The following ACSL4 variants were observed in gnomAD, a reference collection of about 807,000 sequenced individuals.
ACSL4 encodes long-chain-fatty-acid--CoA ligase 4.
Under a neutral mutation model 49.1 loss-of-function variants are expected in ACSL4, and 9 were observed. The ratio of observed to expected loss-of-function variants is 0.18; its 90% CI spans 0.11 to 0.32. ACSL4 has a LOEUF of 0.32. Ranked by LOEUF, ACSL4 falls within the 10% of genes least tolerant of loss-of-function variation. The probability of loss-of-function intolerance (pLI) is 1.00; values close to 1 mark genes in which losing one functional copy is unlikely to be tolerated. For synonymous variants in ACSL4, 191 were observed against 170.3 expected (o/e 1.12, Z -0.95); for missense variants, 333 against 493.7 (o/e 0.67, Z 3.08).
At chrX:109,708,548 T>C (rs1207750163) in intron 1 of ACSL4, among the ~76,000 whole-genome samples, 1 of 112,205 alleles carries the variant, frequency 8.9e-6, no homozygotes, top group Non-Finnish European at 1.9e-5. Context: ...CTTCTTTTGC[T>C]CATGTAATAT....
In ACSL4 at chrX:109,663,195, A is replaced by C; in HGVS notation, c.1582+16T>G. The C allele has an allele frequency of 8.4e-7, 1 of 1,187,988 alleles. No individual in the cohort carries two copies. On this transcript the variant is annotated intron_variant, in intron 13 of 15. Transcript: ENST00000672401. ...TATAAAAACTAAAGAAAACCATAAA[A>C]AGAAAACATTCTGACCTATAATCTG...
intron 15 of ACSL4, among the ~76,000 whole-genome samples, chrX:109,645,171 C>G (rs1934611966): frequency 8.8e-6 from 1 of 113,267 alleles, no homozygotes; most frequent in South Asian, 3.6e-4. Flanking sequence ...GAGCCCACCA[C>G]AGCTCAAGGA....
intron 15 of ACSL4, among the ~76,000 whole-genome samples, chrX:109,650,490 A>G (rs1431788127): frequency 1.1e-5 from 1 of 94,173 alleles, no homozygotes; most frequent in East Asian, 3.6e-4. Context: ...GAACACGTGG[A>G]CACAGGAAGG....
intron 15 of ACSL4, among the ~76,000 whole-genome samples, chrX:109,656,575 T>A (rs893193698): frequency 9.1e-6 from 1 of 110,252 alleles, no homozygotes; most frequent in Admixed American, 9.7e-5. Flanking sequence ...ACCATTTTCT[T>A]TAGAAAAATG....
At chrX:109,647,364 G>C (rs765128020) in intron 15 of ACSL4, among the ~76,000 whole-genome samples, 5 of 111,907 alleles carry the variant, frequency 4.5e-5, no homozygotes, top group Non-Finnish European at 9.4e-5. Flanking sequence ...TCAGGATTAA[G>C]AATCTCACTC....
At chrX:109,680,515 T>C (rs1342033089) in intron 6 of ACSL4, among the ~76,000 whole-genome samples, 1 of 112,592 alleles carries the variant, frequency 8.9e-6, no homozygotes, top group African/African-American at 3.2e-5. Flanking sequence ...TGCTACAAGG[T>C]ACACTTACTT....
In ACSL4 at chrX:109,721,719, A is replaced by G. The variant is rs770501323; in HGVS notation, c.-66+11420T>C. On this transcript the variant is annotated intron_variant, in intron 1 of 15. Transcript: ENST00000672401. ...TGCACTCCAGCCTGGGTGACAGAGT[A>G]AGACTCCGTCAAAAAAAAAAACAAA... 3.0e-3 allele frequency among the ~76,000 whole-genome samples: 324 copies of G among 109,005 alleles called. 4 individuals carry two copies. The highest frequency in any genetic ancestry group is 0.01 in the African/African-American group (310 of 29,946). The allele number at this position is 109,005 out of a possible 115,157, so 94.7% of individuals were successfully genotyped here.
intron 15 of ACSL4, among the ~76,000 whole-genome samples, chrX:109,649,846 C>G (rs1248276003): frequency 1.9e-5 from 2 of 107,126 alleles, no homozygotes; most frequent in Non-Finnish European, 3.9e-5. Flanking sequence ...AACAAACAAC[C>G]CCATCAAAAA....
intron 1 of ACSL4, among the ~76,000 whole-genome samples, chrX:109,719,653 T>G (rs1246719842): frequency 8.9e-6 from 1 of 112,389 alleles, no homozygotes; most frequent in African/African-American, 3.2e-5. Flanking sequence ...GGATACCACC[T>G]ATAATGAAGT....
rs192873706 is a variant in ACSL4 at position 109,650,953 on chromosome X, C to T, written c.1856-6767G>A. Among the ~76,000 whole-genome samples the T allele has an allele frequency of 9.4e-3, 1,053 of 111,500 alleles. 11 individuals carry two copies. The highest frequency in any genetic ancestry group is 0.032 in the African/African-American group (998 of 30,738). On this transcript the variant is annotated intron_variant, in intron 15 of 15. Transcript: ENST00000672401. Reference sequence around the variant, plus strand: ...TTCTTTATAAACTTTACTATATATTCAAATGCAGATAAAAAAGGGGATTGT... The same window carrying T: ...TTCTTTATAAACTTTACTATATATTTAAATGCAGATAAAAAAGGGGATTGT...
intron 15 of ACSL4, among the ~76,000 whole-genome samples, chrX:109,650,288 C>G (rs1168165012): frequency 2.2e-4 from 24 of 110,284 alleles, no homozygotes; most frequent in African/African-American, 7.9e-4. Flanking sequence ...AAATGTCCAA[C>G]AATGATAGAC....
chrX:109,666,653 G>A (rs1455944739), intron 11 of ACSL4, among the ~76,000 whole-genome samples: 2 of 111,625 alleles, frequency 1.8e-5, no homozygotes, highest in East Asian at 5.6e-4. Flanking sequence ...AGTGGCTCCC[G>A]CCTGTAATCC....
At chrX:109,656,013 C>T (rs1921614541) in intron 15 of ACSL4, among the ~76,000 whole-genome samples, 1 of 111,009 alleles carries the variant, frequency 9.0e-6, no homozygotes, top group Non-Finnish European at 1.9e-5. Context: ...AGGATGTGCT[C>T]TACCCAAACC....
Position 109,727,908 on chromosome X carries a change from G to A in ACSL4, c.-66+5231C>T, listed in dbSNP as rs935383057. Among the ~76,000 whole-genome samples, 13 of 111,827 alleles carry A rather than the reference G, an allele frequency of 1.2e-4. 3 individuals are homozygous for A. Among genetic ancestry groups the A allele is most frequent in the South Asian group, 1.1e-3 (3 of 2,696 alleles). Reference sequence around the variant, plus strand: ...GTTTATTTACAAAAACCGGTGGTGGGCAGGATTTGGCCACAGGCAGTATTT... The same window carrying A: ...GTTTATTTACAAAAACCGGTGGTGGACAGGATTTGGCCACAGGCAGTATTT... On this transcript the variant is annotated intron_variant, in intron 1 of 15. Transcript: ENST00000672401.
At chrX:109,645,582 C>A (rs868571068) in intron 15 of ACSL4, among the ~76,000 whole-genome samples, 5 of 111,997 alleles carry the variant, frequency 4.5e-5, no homozygotes, top group African/African-American at 1.3e-4. Context: ...AAAAACAGAG[C>A]AGAGAAACTG....
rs187537830 is a variant in ACSL4 at position 109,661,437 on chromosome X, G to A, written c.1697+94C>T. The A allele has an allele frequency of 3.4e-4, 215 of 626,479 alleles. No individual in the cohort carries two copies. In the African/African-American group the frequency reaches 3.9e-3, roughly 11 times the overall value. 51.6% of individuals were successfully genotyped at this position (626,479 alleles called of 1,213,427 possible). A position where few individuals can be genotyped will look rare whatever the true frequency, so the allele number is the denominator to read the frequency against. ...CCCAGATCTGATGAAAATTCTAAGA[G>A]AAGACTATGTTACCCTTATGATAAT... On this transcript the variant is annotated intron_variant, in intron 14 of 15. Coordinates refer to ENST00000672401, the MANE Select transcript of ACSL4 (RefSeq NM_001318510.2).
intron 15 of ACSL4, among the ~76,000 whole-genome samples, chrX:109,648,306 T>C (rs1356308524): frequency 1.3e-4 from 14 of 111,356 alleles, no homozygotes; most frequent in Middle Eastern, 4.2e-3. Flanking sequence ...TCCAGCAGCA[T>C]ATCAAAAAGC....
intron 10 of ACSL4, among the ~76,000 whole-genome samples, chrX:109,668,509 A>C (rs766101144): frequency 8.9e-6 from 1 of 111,892 alleles, no homozygotes; most frequent in East Asian, 2.8e-4. Flanking sequence ...TGCTGACACA[A>C]GTAAATGAAA....
At chrX:109,668,759 T>A (rs1384603423) in intron 10 of ACSL4, among the ~76,000 whole-genome samples, 2 of 111,801 alleles carry the variant, frequency 1.8e-5, no homozygotes, top group African/African-American at 6.5e-5. Flanking sequence ...AGTGTCTTGA[T>A]TCAAAAGTCT....
Sources: gnomAD v4.1 joint callset for allele counts (sites outside exome capture counted in the v4.1 genomes callset) on GRCh38, gnomAD v4.1.1 for gene constraint, MANE v1.5 for transcripts, NCBI Gene and HGNC (gene_info 2026-07-23, HGNC 2026-07-21) for gene names.